Variants in MMP26 observed in about 807,000 individuals in gnomAD.
The protein encoded by MMP26 is matrix metalloproteinase-26.
MMP26 carries 33 observed loss-of-function variants against 31.0 expected under a neutral mutation model. The ratio of observed to expected loss-of-function variants is 1.06; its 90% CI spans 0.81 to 1.42. The LOEUF (loss-of-function observed/expected upper bound fraction) is 1.42, where lower values mean the gene tolerates loss of function less well. MMP26 is among the 40% of genes most tolerant of loss of function. The probability of loss-of-function intolerance (pLI) is 0.00; values close to 1 mark genes in which losing one functional copy is unlikely to be tolerated. For synonymous variants in MMP26, 122 were observed against 114.9 expected, an observed-to-expected ratio of 1.06 and a Z score of -0.40; for missense variants, 347 against 316.1, an observed-to-expected ratio of 1.10 and a Z score of -0.74.
chr11:4,808,105 C>T (rs1268797892), intron 2 of MMP26, among the ~76,000 whole-genome samples: 2 of 152,110 alleles, frequency 1.3e-5, no homozygotes, highest in Non-Finnish European at 2.9e-5. Context: ...TATGCCCAGC[C>T]CAAATTTTAT....
intron 1 of MMP26, among the ~76,000 whole-genome samples, chr11:4,746,815 C>A (rs1464982753): frequency 7.1e-6 from 1 of 141,676 alleles, no homozygotes; most frequent in East Asian, 2.2e-4. Flanking sequence ...GCCTGGGCAA[C>A]AAGAGTAAGT....
intron 2 of MMP26, among the ~76,000 whole-genome samples, chr11:4,980,095 CTGAG>C (rs992386351): frequency 1.8e-4 from 27 of 152,040 alleles, no homozygotes; most frequent in Non-Finnish European, 5.9e-5. Flanking sequence ...AAGCTGTGGA[CTGAG>C]TATTGCCCAG....
At position 4,953,356 on chromosome 11, in the gene MMP26, AATAG is replaced by A. The variant is rs200065527; in HGVS notation, c.-144-34707_-144-34704del. Among the ~76,000 whole-genome samples the A allele has an allele frequency of 4.1e-3, 514 of 125,386 alleles. 139 individuals are homozygous for A. The highest frequency in any genetic ancestry group is 0.011 in the East Asian group (47 of 4,380). 82.3% of individuals were successfully genotyped at this position (125,386 alleles called of 152,430 possible). ...ACATTAGGTAGGAAAAATTAAAGAA[AATAG>A]ATAGGTTTCTTCAATCGCTCATAAT... On this transcript the variant is annotated intron_variant, in intron 2 of 7. Transcript: ENST00000380390.
intron 2 of MMP26, chr11:4,890,334 A>G (rs73405021): frequency 0.032 from 5,096 of 160,466 alleles, 275 homozygotes; most frequent in African/African-American, 0.12. Context: ...GGCATTGAAT[A>G]CAAAGATCCT....
intron 1 of MMP26, among the ~76,000 whole-genome samples, chr11:4,760,253 A>C (rs1325357205): frequency 1.3e-5 from 2 of 152,230 alleles, no homozygotes; most frequent in Non-Finnish European, 1.5e-5. Context: ...TCTGTGATTG[A>C]AAATGCCATG....
intron 2 of MMP26, chr11:4,946,747 C>T (rs760187545): frequency 1.9e-6 from 3 of 1,589,020 alleles, no homozygotes; most frequent in Non-Finnish European, 2.6e-6. Flanking sequence ...ATGACATGAT[C>T]AGGAGGACTG....
At position 4,789,530 on chromosome 11, in the gene MMP26, CTTTTTTTTTT is replaced by C. The variant is rs71050429; in HGVS notation, c.-145+22209_-145+22218del. ...TCCTGAAGGTAAAGATATCCCCCCA[CTTTTTTTTTT>C]TTTTTTTTTTTTTTTTTTTGAGATG... On this transcript the variant is annotated intron_variant, in intron 2 of 7. Coordinates refer to ENST00000380390, the MANE Select transcript of MMP26 (RefSeq NM_021801.5). Among the ~76,000 whole-genome samples, 36 of 65,980 alleles carry C rather than the reference CTTTTTTTTTT, an allele frequency of 5.5e-4. 1 individual carries two copies. Among genetic ancestry groups the C allele is most frequent in the African/African-American group, 1.4e-3 (26 of 18,650 alleles). The allele number at this position is 65,980 out of a possible 152,430, so 43.3% of individuals were successfully genotyped here. A position where few individuals can be genotyped will look rare whatever the true frequency, so the allele number is the denominator to read the frequency against.
chr11:4,812,199 T>C (rs1400709912), intron 2 of MMP26, among the ~76,000 whole-genome samples: 1 of 152,234 alleles, frequency 6.6e-6, no homozygotes, highest in Non-Finnish European at 1.5e-5. Context: ...CAATTCAGCA[T>C]ATCTATGTAG....
chr11:4,970,053 A>G (rs1001177405), intron 2 of MMP26, among the ~76,000 whole-genome samples: 9 of 152,204 alleles, frequency 5.9e-5, no homozygotes, highest in African/African-American at 1.7e-4. Flanking sequence ...ACATGTTTAC[A>G]TGAATGCATA....
intron 2 of MMP26, among the ~76,000 whole-genome samples, chr11:4,933,565 G>GTT (rs71050440): frequency 0.029 from 4,279 of 149,388 alleles, 195 homozygotes; most frequent in African/African-American, 0.094. Flanking sequence ...TGTTTGTTTT[G>GTT]TTTTTTTTAT....
At position 4,882,888 on chromosome 11, in the gene MMP26, A is replaced by G. The variant is rs748430768; in HGVS notation, c.-144-105180A>G. On this transcript the variant is annotated intron_variant, in intron 2 of 7. Transcript: ENST00000380390. ...CTTAGGGGAAGATGGGATTGAAGGT[A>G]GGAAATTGTCAGGACACGAATTATG... The G allele has an allele frequency of 9.3e-6, 15 of 1,606,274 alleles. No individual in the cohort carries two copies. The South Asian group carries it at 1.7e-4, about 18-fold the overall frequency.
At chr11:4,987,575 C>A (rs1471868515) in intron 2 of MMP26, among the ~76,000 whole-genome samples, 1 of 152,024 alleles carries the variant, frequency 6.6e-6, no homozygotes, top group Non-Finnish European at 1.5e-5. Context: ...CCCACCACCA[C>A]ACCCGGCTAA....
intron 2 of MMP26, chr11:4,924,415 T>C (rs1851239623): frequency 7.0e-7 from 1 of 1,435,306 alleles, no homozygotes; most frequent in Non-Finnish European, 9.4e-7. Context: ...GAATTCTCAC[T>C]CACCTAAATG....
intron 1 of MMP26, chr11:4,736,670 T>C (rs1848244664): frequency 4.6e-5 from 7 of 152,168 alleles, no homozygotes; most frequent in Admixed American, 4.6e-4. Context: ...AACCATACTT[T>C]GACGATCCTG....
intron 2 of MMP26, among the ~76,000 whole-genome samples, chr11:4,805,333 C>G (rs1849252488): frequency 6.6e-6 from 1 of 152,044 alleles, no homozygotes; most frequent in South Asian, 2.1e-4. Context: ...AAGAAGTTAG[C>G]AAACTTTTTT....
chr11:4,764,229 G>C (rs902975150), intron 1 of MMP26, among the ~76,000 whole-genome samples: 1 of 152,168 alleles, frequency 6.6e-6, no homozygotes, highest in African/African-American at 2.4e-5. Flanking sequence ...TTTGCTAAAA[G>C]GGAAATTTTA....
At chr11:4,952,253 A>T (rs1993386) in intron 2 of MMP26, among the ~76,000 whole-genome samples, 28,888 of 123,792 alleles carry the variant, frequency 0.23, 9,040 homozygotes, top group Non-Finnish European at 0.25. Flanking sequence ...GAGACTCTTG[A>T]ATGAGACATC....
Position 4,849,179 on chromosome 11 carries a change from G to A in MMP26, c.-145+81838G>A, listed in dbSNP as rs747547530. 9.9e-6 allele frequency: 16 copies of A among 1,612,730 alleles called. No individual in the cohort carries two copies. In the East Asian group the frequency reaches 3.6e-4, roughly 36 times the overall value. ...TGGGGGCCATTGAAGTGCTGCTATT[G>A]GGGGCTATCTGAGTTGGTAATGTTG... is the stretch of plus-strand genomic sequence containing the variant. On this transcript the variant is annotated intron_variant, in intron 2 of 7. Coordinates refer to ENST00000380390, the MANE Select transcript of MMP26 (RefSeq NM_021801.5).
intron 2 of MMP26, among the ~76,000 whole-genome samples, chr11:4,976,093 G>T (rs1846732902): frequency 6.6e-6 from 1 of 152,122 alleles, no homozygotes; most frequent in Admixed American, 6.5e-5. Context: ...TACTTTTAGA[G>T]ACTCTAGAGG....
Sources: allele counts gnomAD v4.1 joint callset (sites outside exome capture counted in the v4.1 genomes callset), GRCh38; gene constraint gnomAD v4.1.1; transcripts MANE v1.5; gene names NCBI Gene and HGNC (gene_info 2026-07-23, HGNC 2026-07-21).